Variants in NRK observed in about 807,000 individuals in gnomAD.
The protein encoded by NRK is nik-related protein kinase.
Under a neutral mutation model 125.2 loss-of-function variants are expected in NRK, and 67 were observed. The ratio of observed to expected loss-of-function variants is 0.54; its 90% confidence interval spans 0.44 to 0.66. NRK has a LOEUF of 0.66. Ranked by LOEUF, NRK falls within the 30% of genes least tolerant of loss-of-function variation. The probability of loss-of-function intolerance (pLI) is 0.00; values close to 1 mark genes in which losing one functional copy is unlikely to be tolerated. For missense variants in NRK, 1,224 were observed against 1,192.9 expected, an observed-to-expected ratio of 1.03 and a Z score of -0.38; for synonymous variants, 458 against 429.0, an observed-to-expected ratio of 1.07 and a Z score of -0.84.
intron 2 of NRK, among the ~76,000 whole-genome samples, chrX:105,845,755 G>A (rs900834133): frequency 9.0e-6 from 1 of 111,195 alleles, no homozygotes; most frequent in African/African-American, 3.3e-5. Context: ...CCAAAGGGTG[G>A]GGAGGAGGTG....
intron 14 of NRK, among the ~76,000 whole-genome samples, chrX:105,915,120 C>T (rs745718451): frequency 1.8e-5 from 2 of 109,638 alleles, no homozygotes; most frequent in East Asian, 2.9e-4. Flanking sequence ...AGAGTTGAAA[C>T]AGTACTTGGA....
intron 19 of NRK, among the ~76,000 whole-genome samples, chrX:105,928,302 T>C (rs1287037901): frequency 1.8e-5 from 2 of 111,545 alleles, no homozygotes; most frequent in African/African-American, 3.2e-5. Context: ...TAGTCTCTTA[T>C]GATTCTTTGT....
chrX:105,920,175 C>G (rs1460166187), intron 16 of NRK, among the ~76,000 whole-genome samples: 32 of 103,199 alleles, frequency 3.1e-4, no homozygotes, highest in Non-Finnish European at 4.5e-4. Flanking sequence ...GCTTGTTTTT[C>G]TCAGGTTTGT....
At chrX:105,877,960 TATC>T (rs1247173737) in intron 2 of NRK, among the ~76,000 whole-genome samples, 3 of 111,246 alleles carry the variant, frequency 2.7e-5, no homozygotes, top group South Asian at 3.7e-4. Flanking sequence ...GTATTTTACT[TATC>T]ATCAGTTAAA....
At chrX:105,923,925 ATG>A (rs1311413320) in intron 18 of NRK, among the ~76,000 whole-genome samples, 2,932 of 78,427 alleles carry the variant, frequency 0.037, 169 homozygotes, top group African/African-American at 0.16. Flanking sequence ...ATATATATAT[ATG>A]TGAAATTTAA....
In NRK at chrX:105,939,908, C is replaced by A. The variant is rs1010448958; in HGVS notation, c.3834C>A (p.Thr1278=). The A allele has an allele frequency of 2.5e-6, 3 of 1,188,804 alleles. No homozygotes were observed. The Admixed American group carries it at 6.6e-5, about 26-fold the overall frequency. Reference sequence around the variant, plus strand: ...ACAGACTTCGGGTGTATCATCTGACCTGGTTGAGGAACAAGATTTTGAATA... The same window carrying A: ...ACAGACTTCGGGTGTATCATCTGACATGGTTGAGGAACAAGATTTTGAATA... ...HKNRLRVYHL[T]WLRNKILNND... is the part of the protein sequence containing the mutation. The change falls in exon 23 of 29, where the codon ACC becomes ACA. Residue 1278 remains threonine (T), a synonymous_variant. Coordinates refer to ENST00000243300, the MANE Select transcript of NRK (RefSeq NM_198465.4).
At chrX:105,824,726 T>C (rs1377585795) in intron 1 of NRK, among the ~76,000 whole-genome samples, 1 of 110,906 alleles carries the variant, frequency 9.0e-6, no homozygotes, top group Non-Finnish European at 1.9e-5. Context: ...AAGTCTGCAG[T>C]CTTTACATTG....
At chrX:105,832,455 C>CAGTGTTCTATATAATTGCAGGGGAAAAA (rs2039206349) in intron 2 of NRK, among the ~76,000 whole-genome samples, 1 of 110,847 alleles carries the variant, frequency 9.0e-6, no homozygotes, top group Non-Finnish European at 1.9e-5. Context: ...TATATAATTG[C>CAGTGTTCTATATAATTGCAGGGGAAAAA]AGTGTTCTTT....
rs377452837 is a variant in NRK at position 105,917,579 on chromosome X, G to A, written c.2419G>A (p.Val807Ile). ...HAHHVKFSSS[V>I]PQRSLLEQAQ... ...CATGCTTTTCTGTCTTTTCATTAGC[G>A]TTCCTCAGCGGTCTCTTTTGGAACA... is the stretch of plus-strand genomic sequence containing the variant. The change falls in exon 16 of 29, where the codon GTT (valine) becomes ATT (isoleucine). Residue 807 changes from valine (V) to isoleucine (I), a missense_variant and splice_region_variant. Val to Ile is a conservative substitution (Grantham distance 29, BLOSUM62 3). Transcript: ENST00000243300. 63 of 1,133,173 alleles carry A rather than the reference G, an allele frequency of 5.6e-5. No individual in the cohort carries two copies. In the Middle Eastern group the frequency reaches 7.2e-4, roughly 13 times the overall value. 93.4% of individuals were successfully genotyped at this position (1,133,173 alleles called of 1,213,427 possible). A position where few individuals can be genotyped will look rare whatever the true frequency, so the allele number is the denominator to read the frequency against.
rs775671567 is a variant in NRK, at chrX:105,888,406, G to A, written c.365G>A (p.Arg122Gln). 24 of 1,191,768 alleles carry A rather than the reference G, an allele frequency of 2.0e-5. No homozygotes were observed. Among genetic ancestry groups the A allele is most frequent in the African/African-American group, 5.3e-5 (3 of 56,390 alleles). ...TTCAAGCTGAGTCCCCCTGGTCAGC[G>A]GCACCAACTTTGGGTATGTTTTTAA... Reference protein sequence around the residue: ...AFFKLSPPGQRHQLWMVMELC... With the variant: ...AFFKLSPPGQQHQLWMVMELC... The change falls in exon 5 of 29, where the codon CGG (arginine) becomes CAG (glutamine). Residue 122 changes from arginine (R) to glutamine (Q), a missense_variant. By Grantham distance (43) the Arg-to-Gln change is conservative. Transcript: ENST00000243300.
intron 14 of NRK, 104 bp from the exon 15 acceptor site, chrX:105,915,623 TAGA>T: frequency 2.5e-6 from 1 of 395,465 alleles, no homozygotes. Context: ...TTTTATAAGT[TAGA>T]TTTTAGGAAA....
chrX:105,883,855 G>A (rs760591192), intron 4 of NRK, among the ~76,000 whole-genome samples: 11 of 112,740 alleles, frequency 9.8e-5, no homozygotes, highest in South Asian at 3.6e-4. Context: ...GAGTGCGTAC[G>A]CACAAATATT....
intron 16 of NRK, among the ~76,000 whole-genome samples, chrX:105,919,469 T>C (rs1230576771): frequency 1.8e-5 from 2 of 111,842 alleles, no homozygotes; most frequent in South Asian, 3.7e-4. Flanking sequence ...AAATAAAAAG[T>C]AAAATGAAAA....
At chrX:105,832,964 G>T (rs2039214030) in intron 2 of NRK, among the ~76,000 whole-genome samples, 1 of 111,289 alleles carries the variant, frequency 9.0e-6, no homozygotes. Flanking sequence ...AGGTGCTTGA[G>T]ACTGCAGTGG....
rs1222917184 is a variant in NRK, at chrX:105,888,403, A to G, written c.362A>G (p.Gln121Arg). 2 of 1,195,453 alleles carry G rather than the reference A, an allele frequency of 1.7e-6. No individual in the cohort carries two copies. Among genetic ancestry groups the G allele is most frequent in the Admixed American group, 4.5e-5 (2 of 44,134 alleles). The change falls in exon 5 of 29, where the codon CAG (glutamine) becomes CGG (arginine). Residue 121 changes from glutamine to arginine, a missense_variant. By Grantham distance (43) the Gln-to-Arg change is conservative. Transcript: ENST00000243300. ...GAFFKLSPPGQRHQLWMVMEL... is the reference protein window; with the variant it reads ...GAFFKLSPPGRRHQLWMVMEL... ...TTTTTCAAGCTGAGTCCCCCTGGTC[A>G]GCGGCACCAACTTTGGGTATGTTTT...
intron 1 of NRK, among the ~76,000 whole-genome samples, chrX:105,829,206 C>A (rs1390520342): frequency 8.9e-6 from 1 of 112,134 alleles, no homozygotes; most frequent in South Asian, 3.6e-4. Flanking sequence ...TCTTCTGACT[C>A]TCTGTCCAGT....
rs752827237 is a variant in NRK, at chrX:105,925,038, C to T, written c.3312+7C>T. 49 of 1,154,482 alleles carry T rather than the reference C, an allele frequency of 4.2e-5. No individual in the cohort carries two copies. In the South Asian group the frequency reaches 7.0e-4, roughly 16 times the overall value. On this transcript the variant is annotated splice_region_variant and intron_variant, in intron 19 of 28. Coordinates refer to ENST00000243300, the MANE Select transcript of NRK (RefSeq NM_198465.4). Reference sequence around the variant, plus strand: ...CTTTGAATATCTACAGGAGGTAATGCACCATTTGAAAAGCAGATTGAACTC... The same window carrying T: ...CTTTGAATATCTACAGGAGGTAATGTACCATTTGAAAAGCAGATTGAACTC...
rs1322618569 is a variant in NRK, at chrX:105,888,209, T to TGTACTTTAGGGACTTAAAGTA, written c.253-85_253-84insGTACTTTAGGGACTTAAAGTA. ...GATATAATTAGTTGCCATAGGATTC[T>TGTACTTTAGGGACTTAAAGTA]CCTTCATTGATATACTGTACTTTAG... On this transcript the variant is annotated intron_variant, in intron 4 of 28. Transcript: ENST00000243300. The TGTACTTTAGGGACTTAAAGTA allele has an allele frequency of 5.4e-5, 39 of 728,908 alleles. No individual in the cohort carries two copies. The South Asian group carries it at 1.5e-3, about 28-fold the overall frequency. 60.1% of individuals were successfully genotyped at this position (728,908 alleles called of 1,213,427 possible).
intron 19 of NRK, among the ~76,000 whole-genome samples, chrX:105,927,693 T>C (rs2040542418): frequency 9.0e-6 from 1 of 111,526 alleles, no homozygotes; most frequent in African/African-American, 3.2e-5. Flanking sequence ...CGAGGGAATG[T>C]AGAATTTTAT....
Sources: gnomAD v4.1 joint callset for allele counts (sites outside exome capture counted in the v4.1 genomes callset) on GRCh38, gnomAD v4.1.1 for gene constraint, MANE v1.5 for transcripts, NCBI Gene and HGNC (gene_info 2026-07-23, HGNC 2026-07-21) for gene names.